USP48: variants seen among roughly 807,000 people sequenced by gnomAD.
USP48 encodes ubiquitin specific peptidase 48.
Under a neutral mutation model 150.7 loss-of-function variants are expected in USP48, and 43 were observed. That is an observed-to-expected ratio of 0.29 (90% CI 0.22 to 0.37). The LOEUF (loss-of-function observed/expected upper bound fraction) is 0.37, where lower values mean the gene tolerates loss of function less well. USP48 is among the 10% of genes least tolerant of loss of function. The probability of loss-of-function intolerance (pLI) is 1.00; values close to 1 mark genes in which losing one functional copy is unlikely to be tolerated. For synonymous variants in USP48, 396 were observed against 425.9 expected, an observed-to-expected ratio of 0.93 and a Z score of 0.86; for missense variants, 813 against 1,249.6, an observed-to-expected ratio of 0.65 and a Z score of 5.27.
chr1:21,678,553 C>A lies in USP48; in HGVS notation c.*864G>T, dbSNP rs943484579. 6.6e-6 allele frequency: 1 copy of A among 152,098 alleles called. No homozygotes were observed. The highest frequency in any genetic ancestry group is 1.5e-5 in the Non-Finnish European group (1 of 68,012). The allele number at this position is 152,098 out of a possible 1,614,324, so 9.4% of individuals were successfully genotyped here. ...ACAGGAAGAACAAATTTTATAGAAA[C>A]CTTGTGTTATCCAAATGTACTTCAG... On this transcript the variant is annotated 3_prime_UTR_variant, in exon 27 of 27. Transcript: ENST00000308271.
chr1:21,716,743 T>C (rs922950498), intron 14 of USP48, among the ~76,000 whole-genome samples: 6 of 152,166 alleles, frequency 3.9e-5, no homozygotes, highest in African/African-American at 1.4e-4. Context: ...TCATTATCCA[T>C]GGGGGCCAGG....
intron 14 of USP48, among the ~76,000 whole-genome samples, chr1:21,717,458 C>A (rs12031713): frequency 3.3e-5 from 5 of 151,182 alleles, no homozygotes; most frequent in African/African-American, 7.3e-5. Flanking sequence ...ACCCAACCAA[C>A]CAAACAAACA....
At chr1:21,770,723 C>T (rs887233851) in intron 1 of USP48, among the ~76,000 whole-genome samples, 6 of 151,646 alleles carry the variant, frequency 4.0e-5, no homozygotes, top group Admixed American at 3.9e-4. Context: ...CTCAGGTGAT[C>T]CGCCTGCATC....
chr1:21,753,986 C>T (rs2097824578), intron 3 of USP48, among the ~76,000 whole-genome samples: 1 of 151,922 alleles, frequency 6.6e-6, no homozygotes, highest in African/African-American at 2.4e-5. Flanking sequence ...CATGGCGAAA[C>T]CCCGTCTCTA....
At chr1:21,764,678 C>T (rs1301672116) in intron 1 of USP48, among the ~76,000 whole-genome samples, 1 of 143,806 alleles carries the variant, frequency 7.0e-6, no homozygotes, top group African/African-American at 2.6e-5. Flanking sequence ...TGCCACCCCA[C>T]ACCAGCCTGG....
At chr1:21,724,351 A>G (rs1411670887) in intron 11 of USP48, 7 of 596,664 alleles carry the variant, frequency 1.2e-5, no homozygotes, top group Non-Finnish European at 2.1e-5. Flanking sequence ...ATTATTAACC[A>G]CATTCTACAA....
At chr1:21,742,959 T>C (rs953394269) in intron 8 of USP48, among the ~76,000 whole-genome samples, 2 of 152,180 alleles carry the variant, frequency 1.3e-5, no homozygotes, top group African/African-American at 2.4e-5. Flanking sequence ...TATTCCAACA[T>C]GGTCAGTAAT....
At chr1:21,745,300 C>T (rs2097791994) in intron 8 of USP48, among the ~76,000 whole-genome samples, 1 of 151,892 alleles carries the variant, frequency 6.6e-6, no homozygotes, top group South Asian at 2.1e-4. Context: ...TTTATTTATT[C>T]ATTCATTTAT....
intron 1 of USP48, among the ~76,000 whole-genome samples, chr1:21,777,865 C>CG (rs1401813078): frequency 6.6e-6 from 1 of 151,650 alleles, no homozygotes; most frequent in East Asian, 1.9e-4. Flanking sequence ...CAGTGGCTCA[C>CG]GCCTGTAATC....
chr1:21,778,014 G>A (rs1247164596), intron 1 of USP48, among the ~76,000 whole-genome samples: 8 of 150,302 alleles, frequency 5.3e-5, no homozygotes, highest in Admixed American at 5.3e-4. Flanking sequence ...GTGGCGGTGT[G>A]CGCCTGTAGT....
rs528693190 is a variant in USP48, at chr1:21,737,864, C to T, written c.992-1239G>A. ...GGCCTTTATAAGCAATAATAATTAT[C>T]TTTACAGTACAAATCTTTGCACAGA... On this transcript the variant is annotated intron_variant, in intron 8 of 26. Coordinates refer to ENST00000308271, the MANE Select transcript of USP48 (RefSeq NM_032236.8). Among the ~76,000 whole-genome samples, 26 of 152,024 alleles carry T rather than the reference C, an allele frequency of 1.7e-4. No individual in the cohort carries two copies. In the South Asian group the frequency reaches 4.8e-3, roughly 28 times the overall value.
chr1:21,774,288 T>G (rs1487077930), intron 1 of USP48, among the ~76,000 whole-genome samples: 1 of 151,918 alleles, frequency 6.6e-6, no homozygotes, highest in African/African-American at 2.4e-5. Flanking sequence ...CACACAAAAT[T>G]TGTAACTGTG....
chr1:21,759,740 A>C (rs1267462422), intron 1 of USP48, among the ~76,000 whole-genome samples: 1 of 152,244 alleles, frequency 6.6e-6, no homozygotes, highest in African/African-American at 2.4e-5. Context: ...TTTCATGGTG[A>C]GATGGATGGA....
At chr1:21,767,742 A>G (rs1201715825) in intron 1 of USP48, among the ~76,000 whole-genome samples, 1 of 152,120 alleles carries the variant, frequency 6.6e-6, no homozygotes, top group African/African-American at 2.4e-5. Context: ...GAAGGAAACT[A>G]GTTTACTTAA....
In USP48 at chr1:21,706,177, A is replaced by G. The variant is rs539331775; in HGVS notation, c.2222T>C (p.Val741Ala). ...AAAGAACTGAGACACGATGTAGAGG[A>G]CATCCGTATCCTAGAACACAAAAAT... Reference protein sequence around the residue: ...CLSNWPEDTDVLYIVSQFFVE... With the variant: ...CLSNWPEDTDALYIVSQFFVE... The change falls in exon 18 of 27, where the codon GTC becomes GCC. Residue 741 changes from valine (V) to alanine (A), a missense_variant. Val to Ala is a moderately conservative substitution (Grantham distance 64, BLOSUM62 0). Coordinates refer to ENST00000308271, the MANE Select transcript of USP48 (RefSeq NM_032236.8). The G allele has an allele frequency of 6.2e-6, 10 of 1,613,680 alleles. No individual in the cohort carries two copies. In the South Asian group the frequency reaches 1.1e-4, roughly 18 times the overall value.
At chr1:21,777,227 T>C (rs1040806800) in intron 1 of USP48, among the ~76,000 whole-genome samples, 1 of 151,378 alleles carries the variant, frequency 6.6e-6, no homozygotes, top group Non-Finnish European at 1.5e-5. Context: ...GAGGCAGAGG[T>C]TGCATTGAGC....
At chr1:21,774,430 T>C (rs1312843193) in intron 1 of USP48, among the ~76,000 whole-genome samples, 1 of 152,094 alleles carries the variant, frequency 6.6e-6, no homozygotes, top group African/African-American at 2.4e-5. Flanking sequence ...GGCTCATGCC[T>C]GTAATCCCAG....
intron 9 of USP48, among the ~76,000 whole-genome samples, chr1:21,735,189 T>C (rs949255535): frequency 5.3e-5 from 8 of 152,238 alleles, no homozygotes; most frequent in African/African-American, 1.9e-4. Context: ...CCCACTTAAA[T>C]AAACCTGGTA....
intron 8 of USP48, among the ~76,000 whole-genome samples, chr1:21,737,176 G>A (rs979642459): frequency 1.3e-5 from 2 of 152,136 alleles, no homozygotes; most frequent in Non-Finnish European, 2.9e-5. Flanking sequence ...CACCCAGCGC[G>A]TTGAGATGAC....
Sources: allele counts gnomAD v4.1 joint callset (sites outside exome capture counted in the v4.1 genomes callset), GRCh38; gene constraint gnomAD v4.1.1; transcripts MANE v1.5; gene names NCBI Gene and HGNC (gene_info 2026-07-23, HGNC 2026-07-21).